The following CCDC30 variants were observed in gnomAD, a reference collection of about 807,000 sequenced individuals.
CCDC30 encodes the protein coiled-coil domain containing 30.
In CCDC30, 70 loss-of-function variants were observed where a neutral mutation model predicts 100.2. That is an observed-to-expected ratio of 0.70 (90% CI 0.58 to 0.85). The LOEUF is 0.85. Among genes scored for constraint, CCDC30 ranks in the 40% least tolerant of loss-of-function variants. The pLI, the probability that CCDC30 is intolerant of heterozygous loss-of-function variation, is 0.00. For missense variants in CCDC30, 652 were observed against 771.2 expected, an observed-to-expected ratio of 0.85 and a Z score of 1.83; for synonymous variants, 233 against 269.5, an observed-to-expected ratio of 0.86 and a Z score of 1.33.
intron 6 of CCDC30, among the ~76,000 whole-genome samples, chr1:42,507,894 G>A (rs921861888): frequency 6.6e-6 from 1 of 151,928 alleles, no homozygotes; most frequent in African/African-American, 2.4e-5. Flanking sequence ...CAATAATCTT[G>A]AAGACTTTTT....
chr1:42,614,438 C>T (rs751499867), intron 11 of CCDC30, among the ~76,000 whole-genome samples: 2 of 151,560 alleles, frequency 1.3e-5, no homozygotes, highest in Non-Finnish European at 1.5e-5. Flanking sequence ...TTTAAATGTA[C>T]AATTGGATAA....
chr1:42,475,975 A>G (rs1643877210), intron 1 of CCDC30, among the ~76,000 whole-genome samples: 1 of 152,226 alleles, frequency 6.6e-6, no homozygotes, highest in Non-Finnish European at 1.5e-5. Flanking sequence ...TTAAATTGGA[A>G]ATAAATGGAG....
intron 6 of CCDC30, among the ~76,000 whole-genome samples, chr1:42,512,977 TA>T (rs1156336568): frequency 6.6e-6 from 1 of 152,190 alleles, no homozygotes; most frequent in Non-Finnish European, 1.5e-5. Flanking sequence ...GATTTGATTC[TA>T]AAATGGAGGC....
intron 11 of CCDC30, among the ~76,000 whole-genome samples, chr1:42,611,443 T>A (rs1342955693): frequency 6.6e-6 from 1 of 152,034 alleles, no homozygotes; most frequent in Admixed American, 6.6e-5. Context: ...AGCTTTTTTA[T>A]TTTTTATTTT....
At chr1:42,492,230 T>C (rs889960128) in intron 4 of CCDC30, 8 of 216,500 alleles carry the variant, frequency 3.7e-5, no homozygotes, top group African/African-American at 1.9e-4. Flanking sequence ...AAGAAAATGA[T>C]GGAAATTATG....
At chr1:42,558,279 A>G (rs1557853189) in intron 6 of CCDC30, 1 of 156,762 alleles carries the variant, frequency 6.4e-6, no homozygotes, top group Non-Finnish European at 1.4e-5. Context: ...CTGTTTTGGT[A>G]TGTTAACCTA....
chr1:42,482,032 C>CA, intron 2 of CCDC30, among the ~76,000 whole-genome samples: 1 of 152,064 alleles, frequency 6.6e-6, no homozygotes, highest in Non-Finnish European at 1.5e-5. Context: ...GCTTGGCCAA[C>CA]ATGGTGACAT....
intron 6 of CCDC30, among the ~76,000 whole-genome samples, chr1:42,554,123 G>A (rs1645316642): frequency 1.3e-5 from 2 of 151,936 alleles, no homozygotes; most frequent in South Asian, 4.2e-4. Context: ...TCACTTTTAA[G>A]TTGAAGCATC....
intron 1 of CCDC30, among the ~76,000 whole-genome samples, chr1:42,478,685 G>A (rs1401062158): frequency 6.6e-6 from 1 of 152,066 alleles, no homozygotes; most frequent in Non-Finnish European, 1.5e-5. Flanking sequence ...CCTGAGCCTG[G>A]GAGGTCGAGG....
chr1:42,616,469 A>G (rs941043359), intron 11 of CCDC30, among the ~76,000 whole-genome samples: 3 of 152,084 alleles, frequency 2.0e-5, no homozygotes, highest in Admixed American at 6.5e-5. Flanking sequence ...TTGAAACTCT[A>G]CCTTTATTTT....
chr1:42,517,091 T>G (rs1353546367), intron 6 of CCDC30, among the ~76,000 whole-genome samples: 1 of 152,208 alleles, frequency 6.6e-6, no homozygotes, highest in Non-Finnish European at 1.5e-5. Context: ...AGTGTTATTT[T>G]ATTTATTTAT....
At chr1:42,508,589 C>T (rs1426796062) in intron 6 of CCDC30, among the ~76,000 whole-genome samples, 1 of 152,190 alleles carries the variant, frequency 6.6e-6, no homozygotes, top group Admixed American at 6.5e-5. Context: ...CGAAACAGAA[C>T]AGCACCTTTG....
At chr1:42,634,108 G>A (rs1040134910) in intron 11 of CCDC30, among the ~76,000 whole-genome samples, 4 of 152,006 alleles carry the variant, frequency 2.6e-5, no homozygotes, top group African/African-American at 9.7e-5. Flanking sequence ...GGGATTATGG[G>A]AACTACAAGA....
intron 6 of CCDC30, among the ~76,000 whole-genome samples, chr1:42,550,907 A>T (rs991200367): frequency 6.6e-6 from 1 of 152,230 alleles, no homozygotes; most frequent in South Asian, 2.1e-4. Context: ...ACAAAGTTTC[A>T]TCGTTAGCCA....
At chr1:42,639,698 T>G (rs1350659578) in intron 12 of CCDC30, among the ~76,000 whole-genome samples, 1 of 152,242 alleles carries the variant, frequency 6.6e-6, no homozygotes, top group Non-Finnish European at 1.5e-5. Context: ...AAATAATCCC[T>G]ACCTTACATA....
intron 4 of CCDC30, chr1:42,492,503 C>G (rs1414589430): frequency 1.3e-5 from 2 of 153,084 alleles, no homozygotes; most frequent in East Asian, 1.9e-4. Context: ...GTTTAAAGTT[C>G]AAAATTTAAA....
At chr1:42,653,740 A>G (rs1286188534) in intron 16 of CCDC30, 78 bp from the exon 21 acceptor site, 1 of 1,019,606 alleles carries the variant, frequency 9.8e-7, no homozygotes, top group Admixed American at 2.2e-5. Flanking sequence ...AATTCTATCA[A>G]TGCCTGTATC....
At chr1:42,462,657 A>C (rs1643441880), upstream of CCDC30, among the ~76,000 whole-genome samples, 1 of 152,232 alleles carries the variant, frequency 6.6e-6, no homozygotes, top group Admixed American at 6.5e-5. Flanking sequence ...GAGCATCTAA[A>C]AAGATGATAT....
At chr1:42,630,036 G>T (rs1273139131) in intron 11 of CCDC30, among the ~76,000 whole-genome samples, 1 of 130,410 alleles carries the variant, frequency 7.7e-6, no homozygotes, top group Admixed American at 8.7e-5. Flanking sequence ...GTGCAGTGCC[G>T]CAATCTCAGC....
Sources: allele counts gnomAD v4.1 joint callset (sites outside exome capture counted in the v4.1 genomes callset), GRCh38; gene constraint gnomAD v4.1.1; transcripts MANE v1.5; gene names NCBI Gene and HGNC (gene_info 2026-07-23, HGNC 2026-07-21).